The following TM4SF18 variants were observed in gnomAD, a reference collection of about 807,000 sequenced individuals.
TM4SF18 encodes the protein transmembrane 4 L six family member 18.
TM4SF18 carries 22 observed loss-of-function variants against 23.8 expected under a neutral mutation model. The ratio of observed to expected loss-of-function variants is 0.92; its 90% CI spans 0.66 to 1.32. TM4SF18 has a LOEUF of 1.32. Ranked by LOEUF, TM4SF18 falls within the 40% of genes most tolerant of loss-of-function variation. TM4SF18 has a pLI of 0.00. For missense variants in TM4SF18, 255 were observed against 240.3 expected, an observed-to-expected ratio of 1.06 and a Z score of -0.41; for synonymous variants, 87 against 87.9, an observed-to-expected ratio of 0.99 and a Z score of 0.06.
At chr3:149,325,352 A>G (rs888165437) in intron 3 of TM4SF18, among the ~76,000 whole-genome samples, 1 of 152,306 alleles carries the variant, frequency 6.6e-6, no homozygotes, top group African/African-American at 2.4e-5. Context: ...ATAACTATCT[A>G]TTGAAGACCT....
chr3:149,328,254 C>T (rs1383465399), intron 3 of TM4SF18, among the ~76,000 whole-genome samples: 3 of 152,140 alleles, frequency 2.0e-5, no homozygotes, highest in African/African-American at 4.8e-5. Flanking sequence ...GGTGAGGGCT[C>T]ATTCCTCATA....
At chr3:149,326,676 C>T (rs554335221) in intron 3 of TM4SF18, among the ~76,000 whole-genome samples, 26 of 152,280 alleles carry the variant, frequency 1.7e-4, no homozygotes, top group African/African-American at 6.3e-4. Context: ...CTTCCATTTC[C>T]CATTCCTCTC....
intron 3 of TM4SF18, 104 bp from the exon 4 acceptor site, chr3:149,325,126 C>A: frequency 9.2e-7 from 1 of 1,085,090 alleles, no homozygotes; most frequent in Non-Finnish European, 1.3e-6. Context: ...CAAGCTCATG[C>A]AGTCTATACA....
In TM4SF18 at chr3:149,319,975, G is replaced by A. The variant is rs1332266925; in HGVS notation, c.*1503C>T. 6.6e-6 allele frequency: 1 copy of A among 152,294 alleles called. No homozygotes were observed. The highest frequency in any genetic ancestry group is 2.4e-5 in the African/African-American group (1 of 41,472). The allele number at this position is 152,294 out of a possible 1,614,324, so 9.4% of individuals were successfully genotyped here. A position where few individuals can be genotyped will look rare whatever the true frequency, so the allele number is the denominator to read the frequency against. On this transcript the variant is annotated 3_prime_UTR_variant, in exon 6 of 6. Transcript: ENST00000296059. ...AGTCAGCTGGGCCCAGAGCATGAAG[G>A]TCATGCGGTGTATAACATGGCTTGC... is the stretch of plus-strand genomic sequence containing the variant.
intron 3 of TM4SF18, among the ~76,000 whole-genome samples, chr3:149,327,809 T>C (rs944126660): frequency 6.6e-5 from 10 of 152,098 alleles, no homozygotes; most frequent in South Asian, 2.1e-4. Flanking sequence ...AATTTCTTCA[T>C]TGGGGGAAAC....
chr3:149,325,063 G>T, intron 3 of TM4SF18, 41 bp from the exon 4 acceptor site: 1 of 1,592,894 alleles, frequency 6.3e-7, no homozygotes, highest in Non-Finnish European at 8.6e-7. Flanking sequence ...CATAGAATGC[G>T]ACAAGGGGAT....
chr3:149,330,346 C>T lies in TM4SF18; in HGVS notation c.251G>A (p.Cys84Tyr), dbSNP rs1576834251. 1 of 1,611,518 alleles carries T rather than the reference C, an allele frequency of 6.2e-7. No homozygotes were observed. Among genetic ancestry groups the T allele is most frequent in the African/African-American group, 1.3e-5 (1 of 74,826 alleles). Residue 84 changes from cysteine (C) to tyrosine (Y), a missense_variant, in exon 3 of 6, where the codon TGC (cysteine) becomes TAC (tyrosine). Cys to Tyr is a radical substitution (Grantham distance 194). Transcript: ENST00000296059. ...TGCTCTTACCACATATTTTTTGCTG[C>T]AGTTTTCACTCTGGCAACATTTATA... Reference protein sequence around the residue: ...NNYKCCQSENCSKKYVTLLSI... With the variant: ...NNYKCCQSENYSKKYVTLLSI...
chr3:149,329,459 G>A (rs140839782), intron 3 of TM4SF18, among the ~76,000 whole-genome samples: 146 of 152,236 alleles, frequency 9.6e-4, no homozygotes, highest in Non-Finnish European at 1.6e-3. Flanking sequence ...CTAACAGGTA[G>A]AAGCACTGCT....
intron 4 of TM4SF18, among the ~76,000 whole-genome samples, chr3:149,324,163 AAT>A (rs1201424062): frequency 1.3e-5 from 2 of 152,130 alleles, no homozygotes; most frequent in East Asian, 3.9e-4. Context: ...GCTACCTCCT[AAT>A]CTGCATCTGG....
intron 2 of TM4SF18, among the ~76,000 whole-genome samples, chr3:149,331,058 A>G (rs12486919): frequency 0.61 from 92,012 of 152,060 alleles, 28,457 homozygotes; most frequent in Admixed American, 0.69. Context: ...TCTGGAAAGA[A>G]CATGTATTTC....
rs1731061792 is a variant in TM4SF18 at position 149,330,319 on chromosome 3, G to C, written c.267+11C>G. 6.3e-7 allele frequency: 1 copy of C among 1,598,112 alleles called. No individual in the cohort carries two copies. The highest frequency in any genetic ancestry group is 1.3e-5 in the African/African-American group (1 of 74,420). ...CCACTCAACCATCCTCAAAAAAACTGTTGCTCTTACCACATATTTTTTGCT... is the reference window on the plus strand; with the variant it reads ...CCACTCAACCATCCTCAAAAAAACTCTTGCTCTTACCACATATTTTTTGCT... On this transcript the variant is annotated intron_variant, in intron 3 of 5. Transcript: ENST00000296059.
In TM4SF18 at chr3:149,319,405, A is replaced by G. The variant is rs1408567448; in HGVS notation, c.*2073T>C. ...TTGGTCCAAGTCCTTCAGACCTCAT[A>G]TTTAAGTTCTTTGGAAAGTAGAGTG... On this transcript the variant is annotated 3_prime_UTR_variant, in exon 6 of 6. Transcript: ENST00000296059. 6.6e-6 allele frequency: 1 copy of G among 152,316 alleles called. No homozygotes were observed. Among genetic ancestry groups the G allele is most frequent in the African/African-American group, 2.4e-5 (1 of 41,574 alleles). The allele number at this position is 152,316 out of a possible 1,614,324, so 9.4% of individuals were successfully genotyped here.
intron 2 of TM4SF18, 126 bp downstream of exon 2, chr3:149,333,080 C>A: frequency 1.0e-6 from 1 of 975,712 alleles, no homozygotes; most frequent in Non-Finnish European, 1.5e-6. Flanking sequence ...ACCCCCATCC[C>A]TCTTTCAAAT....
intron 3 of TM4SF18, among the ~76,000 whole-genome samples, chr3:149,328,410 G>A (rs1028669822): frequency 2.6e-5 from 4 of 151,980 alleles, no homozygotes; most frequent in African/African-American, 4.8e-5. Context: ...TCTTAATATC[G>A]CCACAGTGAG....
At position 149,324,953 on chromosome 3, in the gene TM4SF18, A is replaced by G. The variant is rs1486727063; in HGVS notation, c.337T>C (p.Leu113=). 3 of 1,614,090 alleles carry G rather than the reference A, an allele frequency of 1.9e-6. No homozygotes were observed. The highest frequency in any genetic ancestry group is 1.7e-5 in the Admixed American group (1 of 60,004). The change falls in exon 4 of 6, where the codon TTG becomes CTG. Residue 113 remains leucine, a synonymous_variant. Transcript: ENST00000296059. ...FSGYCLVISA[L]GLVQGPYCRT... ...CAATATGGCCCTTGGACAAGACCCAAGGCAGAGATGACCAGGCAGTATCCA... is the reference window on the plus strand; with the variant it reads ...CAATATGGCCCTTGGACAAGACCCAGGGCAGAGATGACCAGGCAGTATCCA...
Position 149,330,493 on chromosome 3 carries a change from G to T in TM4SF18, c.178-74C>A. The stretch of plus-strand genomic sequence containing the variant: ...TTTGTGCTTATAATCAGAGGACAGC[G>T]TCTTCAAGCATAGAGTCTGGGGTCA... On this transcript the variant is annotated intron_variant, in intron 2 of 5. Coordinates refer to ENST00000296059, the MANE Select transcript of TM4SF18 (RefSeq NM_138786.4). The T allele has an allele frequency of 4.0e-6, 4 of 996,406 alleles. No individual in the cohort carries two copies. The South Asian group carries it at 4.7e-5, about 12-fold the overall frequency. 61.7% of individuals were successfully genotyped at this position (996,406 alleles called of 1,614,324 possible).
chr3:149,327,657 T>C (rs963268109), intron 3 of TM4SF18, among the ~76,000 whole-genome samples: 17 of 152,240 alleles, frequency 1.1e-4, no homozygotes, highest in African/African-American at 4.1e-4. Context: ...CCAGAAAAAG[T>C]AAGACCAACA....
chr3:149,321,837 A>G (rs1345988427), intron 5 of TM4SF18, among the ~76,000 whole-genome samples: 1 of 152,232 alleles, frequency 6.6e-6, no homozygotes, highest in African/African-American at 2.4e-5. Context: ...CTCGAGATAA[A>G]GGTTCATTAG....
Position 149,322,905 on chromosome 3 carries a change from C to CTTTTTTTTTT in TM4SF18, c.411-479_411-470dup, listed in dbSNP as rs34338382. On this transcript the variant is annotated intron_variant, in intron 4 of 5. Transcript: ENST00000296059. Reference sequence around the variant, plus strand: ...GAACTTTACCCCTCTGGCCTCCAGACTTTTTTTTTTTTTTTTGAGACGGAG... The same window carrying CTTTTTTTTTT: ...GAACTTTACCCCTCTGGCCTCCAGACTTTTTTTTTTTTTTTTTTTTTTTTTTGAGACGGAG... Among the ~76,000 whole-genome samples, 141 of 128,758 alleles carry CTTTTTTTTTT rather than the reference C, an allele frequency of 1.1e-3. 9 individuals are homozygous for CTTTTTTTTTT. Among genetic ancestry groups the CTTTTTTTTTT allele is most frequent in the Non-Finnish European group, 2.2e-3 (126 of 58,358 alleles). The allele number at this position is 128,758 out of a possible 152,430, so 84.5% of individuals were successfully genotyped here.
Sources: allele counts gnomAD v4.1 joint callset (sites outside exome capture counted in the v4.1 genomes callset), GRCh38; gene constraint gnomAD v4.1.1; transcripts MANE v1.5; gene names NCBI Gene and HGNC (gene_info 2026-07-23, HGNC 2026-07-21).